The following SORBS2 variants were observed in gnomAD, a reference collection of about 807,000 sequenced individuals.
SORBS2 encodes the protein sorbin and SH3 domain-containing protein 2.
SORBS2 carries 46 observed loss-of-function variants against 97.7 expected under a neutral mutation model. The observed-to-expected ratio is 0.47, with a 90% CI of 0.37 to 0.60. The LOEUF (loss-of-function observed/expected upper bound fraction) is 0.60. Among genes scored for constraint, SORBS2 ranks in the 20% least tolerant of loss-of-function variants. SORBS2 has a pLI of 0.00. For missense variants in SORBS2, 1,316 were observed against 1,282.3 expected (o/e 1.03, Z -0.40); for synonymous variants, 476 against 473.4 (o/e 1.01, Z -0.07).
intron 4 of SORBS2, chr4:185,646,333 A>C: frequency 5.7e-6 from 1 of 174,948 alleles, no homozygotes. Flanking sequence ...GTTACATGCA[A>C]ATGAATCTTG....
intron 1 of SORBS2, among the ~76,000 whole-genome samples, chr4:185,933,833 A>T (rs2099267613): frequency 6.6e-6 from 1 of 152,192 alleles, no homozygotes; most frequent in South Asian, 2.1e-4. Flanking sequence ...GAATTTAGCC[A>T]ATATCAGTGG....
At chr4:185,643,315 G>A (rs761257558) in intron 4 of SORBS2, among the ~76,000 whole-genome samples, 2 of 152,140 alleles carry the variant, frequency 1.3e-5, no homozygotes, top group Non-Finnish European at 2.9e-5. Flanking sequence ...CCAGCAATGC[G>A]GGAATTGAAA....
At chr4:185,794,641 C>T (rs1342527939) in intron 1 of SORBS2, among the ~76,000 whole-genome samples, 2 of 151,944 alleles carry the variant, frequency 1.3e-5, no homozygotes, top group Non-Finnish European at 1.5e-5. Context: ...ATGTTGGATG[C>T]TTTTACCATG....
chr4:185,785,077 G>A (rs1421387390), intron 1 of SORBS2, among the ~76,000 whole-genome samples: 1 of 149,858 alleles, frequency 6.7e-6, no homozygotes, highest in Non-Finnish European at 1.5e-5. Flanking sequence ...CCAGATCATT[G>A]TTCAGAGAGC....
chr4:185,877,194 C>T (rs2099234130), intron 1 of SORBS2, among the ~76,000 whole-genome samples: 1 of 152,010 alleles, frequency 6.6e-6, no homozygotes, highest in African/African-American at 2.4e-5. Context: ...ATATAACCAT[C>T]CAGAAAAGAA....
intron 11 of SORBS2, 141 bp downstream of exon 23, chr4:185,614,690 G>A (rs1335079516): frequency 5.6e-6 from 6 of 1,066,552 alleles, no homozygotes; most frequent in Admixed American, 5.5e-5. Flanking sequence ...GCCTTAAAGA[G>A]TCCTTTGTAG....
intron 1 of SORBS2, among the ~76,000 whole-genome samples, chr4:185,847,759 C>A (rs1160931780): frequency 2.6e-5 from 4 of 152,106 alleles, no homozygotes; most frequent in African/African-American, 7.2e-5. Context: ...TACCCTAGAG[C>A]CCTGGAATGA....
intron 1 of SORBS2, among the ~76,000 whole-genome samples, chr4:185,908,028 G>A (rs1336897825): frequency 6.6e-6 from 1 of 151,848 alleles, no homozygotes; most frequent in African/African-American, 2.4e-5. Flanking sequence ...ACCTGGAGAG[G>A]TCATCGGGCA....
intron 1 of SORBS2, among the ~76,000 whole-genome samples, chr4:185,919,113 G>C (rs990410603): frequency 2.0e-5 from 3 of 152,156 alleles, no homozygotes; most frequent in Non-Finnish European, 2.9e-5. Flanking sequence ...CTCTTTTCAT[G>C]AATTTCTTTA....
intron 1 of SORBS2, among the ~76,000 whole-genome samples, chr4:185,868,173 T>TTTTTTTTTTTTTTTTTG: frequency 7.0e-6 from 1 of 142,422 alleles, no homozygotes; most frequent in East Asian, 2.1e-4. Flanking sequence ...TTTTTTTTTT[T>TTTTTTTTTTTTTTTTTG]TGAGGCAGAG....
intron 1 of SORBS2, among the ~76,000 whole-genome samples, chr4:185,793,459 G>A (rs1298592851): frequency 6.6e-6 from 1 of 152,198 alleles, no homozygotes. Context: ...GAGTGTGTTT[G>A]TTATACTCTA....
At chr4:185,856,671 G>A (rs896542546) in intron 1 of SORBS2, among the ~76,000 whole-genome samples, 12 of 152,110 alleles carry the variant, frequency 7.9e-5, no homozygotes, top group African/African-American at 2.9e-4. Context: ...ATATGTTGAT[G>A]GCATTTGGAG....
chr4:185,868,155 C>CTTTTTTTTTTT (rs1431293135), intron 1 of SORBS2, among the ~76,000 whole-genome samples: 7,121 of 98,774 alleles, frequency 0.072, 700 homozygotes, highest in Non-Finnish European at 0.084. Context: ...TTCTTTTTTT[C>CTTTTTTTTTTT]TTTCTTTTTT....
At chr4:185,604,088 A>C (rs548794651) in intron 12 of SORBS2, among the ~76,000 whole-genome samples, 2 of 152,318 alleles carry the variant, frequency 1.3e-5, no homozygotes, top group African/African-American at 2.4e-5. Flanking sequence ...CTGACGGCCA[A>C]CTGAAAACAA....
chr4:185,802,081 G>A (rs11733613), intron 1 of SORBS2, among the ~76,000 whole-genome samples: 35,312 of 152,088 alleles, frequency 0.23, 4,264 homozygotes, highest in Middle Eastern at 0.3. Flanking sequence ...CATCTTTCCC[G>A]ATCCTCTAAC....
At chr4:185,886,324 G>A (rs577800222) in intron 1 of SORBS2, among the ~76,000 whole-genome samples, 1 of 152,036 alleles carries the variant, frequency 6.6e-6, no homozygotes, top group Admixed American at 6.6e-5. Flanking sequence ...AGGAGGCCGA[G>A]GTGGGCAGAT....
chr4:185,819,419 T>C (rs1313390053), intron 1 of SORBS2, among the ~76,000 whole-genome samples: 1 of 152,196 alleles, frequency 6.6e-6, no homozygotes, highest in African/African-American at 2.4e-5. Context: ...AAGGAGCTTT[T>C]CCCCACCTCC....
intron 1 of SORBS2, among the ~76,000 whole-genome samples, chr4:185,896,727 C>T (rs573245060): frequency 6.6e-6 from 1 of 151,962 alleles, no homozygotes; most frequent in Non-Finnish European, 1.5e-5. Flanking sequence ...TGCTCTGTGG[C>T]CCCTGGTGTG....
In SORBS2 at chr4:185,899,850, G is replaced by C. The variant is rs551294889; in HGVS notation, c.-338+56346C>G. Reference sequence around the variant, plus strand: ...GGTTACCATACTGGACGCCATGGAAGACTTATTAGAAGGGGGTAAAGTTGG... The same window carrying C: ...GGTTACCATACTGGACGCCATGGAACACTTATTAGAAGGGGGTAAAGTTGG... On this transcript the variant is annotated intron_variant, in intron 1 of 20. Transcript: ENST00000284776. Among the ~76,000 whole-genome samples the C allele has an allele frequency of 3.3e-5, 5 of 152,314 alleles. No homozygotes were observed. In the East Asian group the frequency reaches 9.6e-4, roughly 29 times the overall value.
Sources: allele counts gnomAD v4.1 joint callset (sites outside exome capture counted in the v4.1 genomes callset), GRCh38; gene constraint gnomAD v4.1.1; transcripts MANE v1.5; gene names NCBI Gene and HGNC (gene_info 2026-07-23, HGNC 2026-07-21).